The following ADHFE1 variants were observed in gnomAD, a reference collection of about 807,000 sequenced individuals.
The protein encoded by ADHFE1 is hydroxyacid-oxoacid transhydrogenase, mitochondrial.
ADHFE1 carries 37 observed loss-of-function variants against 54.8 expected under a neutral mutation model. That is an observed-to-expected ratio of 0.68 (90% CI 0.52 to 0.89). The LOEUF (loss-of-function observed/expected upper bound fraction) is 0.89, where lower values mean the gene tolerates loss of function less well. Ranked by LOEUF, ADHFE1 falls within the 40% of genes least tolerant of loss-of-function variation. ADHFE1 has a pLI of 0.00. For synonymous variants in ADHFE1, 203 were observed against 229.3 expected (o/e 0.89, Z 1.04); for missense variants, 601 against 591.2 (o/e 1.02, Z -0.17).
In ADHFE1 at chr8:66,454,169, T is replaced by C; in HGVS notation, c.986+12T>C. ...GGTGTTCATCTGTGGTGAGCAAGTC[T>C]GAGATTTCATTTCTTTACTCAAGCT... is the stretch of plus-strand genomic sequence containing the variant. On this transcript the variant is annotated intron_variant, in intron 10 of 13. Coordinates refer to ENST00000396623, the MANE Select transcript of ADHFE1 (RefSeq NM_144650.3). 2 of 1,612,698 alleles carry C rather than the reference T, an allele frequency of 1.2e-6. No homozygotes were observed. The highest frequency in any genetic ancestry group is 1.7e-6 in the Non-Finnish European group (2 of 1,179,418).
intron 12 of ADHFE1, among the ~76,000 whole-genome samples, chr8:66,457,479 CAAAA>C (rs34484813): frequency 7.7e-6 from 1 of 130,290 alleles, no homozygotes; most frequent in African/African-American, 2.8e-5. Flanking sequence ...CTCTCTCTCT[CAAAA>C]AAAAAAAAAA....
chr8:66,432,523 G>A lies in ADHFE1; in HGVS notation c.7G>A (p.Ala3Thr). The change falls in exon 1 of 14, where the codon GCT becomes ACT. Residue 3 changes from alanine (A) to threonine (T), a missense_variant. Ala to Thr is a moderately conservative substitution (Grantham distance 58, BLOSUM62 0). Coordinates refer to ENST00000396623, the MANE Select transcript of ADHFE1 (RefSeq NM_144650.3). Reference protein sequence around the residue: MAAAARARVAYLL... With the variant: MATAARARVAYLL... Reference sequence around the variant, plus strand: ...GAAGAGGACTCCAAGCGCCATGGCCGCTGCCGCCCGAGCCCGGGTCGCGTA... The same window carrying A: ...GAAGAGGACTCCAAGCGCCATGGCCACTGCCGCCCGAGCCCGGGTCGCGTA... The A allele has an allele frequency of 2.2e-6, 3 of 1,368,640 alleles. No individual in the cohort carries two copies. The highest frequency in any genetic ancestry group is 1.9e-6 in the Non-Finnish European group (2 of 1,050,790). 84.8% of individuals were successfully genotyped at this position (1,368,640 alleles called of 1,614,324 possible).
chr8:66,445,634 G>A (rs997910610), intron 6 of ADHFE1, among the ~76,000 whole-genome samples: 3 of 152,214 alleles, frequency 2.0e-5, no homozygotes, highest in Non-Finnish European at 4.4e-5. Context: ...AAAGTTTGCA[G>A]ATTTAAGCTA....
At chr8:66,450,441 G>C (rs1254585333) in intron 8 of ADHFE1, among the ~76,000 whole-genome samples, 1 of 152,182 alleles carries the variant, frequency 6.6e-6, no homozygotes, top group Non-Finnish European at 1.5e-5. Context: ...TGCCCATAAG[G>C]CCCAGTGGCC....
chr8:66,436,162 A>G (rs2719009), intron 1 of ADHFE1, among the ~76,000 whole-genome samples: 98,428 of 151,948 alleles, frequency 0.65, 33,655 homozygotes, highest in African/African-American at 0.87. Context: ...GTGATCCACC[A>G]GCCTCAGCCT....
At position 66,439,672 on chromosome 8, in the gene ADHFE1, G is replaced by T; in HGVS notation, c.60-490G>T. 1.0e-6 allele frequency: 1 copy of T among 986,132 alleles called. No homozygotes were observed. Among genetic ancestry groups the T allele is most frequent in the Non-Finnish European group, 1.2e-6 (1 of 830,484 alleles). 61.1% of individuals were successfully genotyped at this position (986,132 alleles called of 1,614,324 possible). A position where few individuals can be genotyped will look rare whatever the true frequency, so the allele number is the denominator to read the frequency against. ...TTGGGTCCAGGAAGTTCTCCTGGAG[G>T]CTCAGGTCTAGAGCCTGCCTGAAGA... On this transcript the variant is annotated intron_variant, in intron 1 of 13. Coordinates refer to ENST00000396623, the MANE Select transcript of ADHFE1 (RefSeq NM_144650.3). This position sits in a 1 kb window ranked among gnomAD's most constrained non-coding sequence, Gnocchi z 4.4.
chr8:66,466,236 ATTT>A (rs575459850), intron 13 of ADHFE1, among the ~76,000 whole-genome samples: 1,831 of 119,630 alleles, frequency 0.015, 15 homozygotes, highest in Middle Eastern at 0.05. Context: ...ACCCAGCTGA[ATTT>A]TTTTTTTTTT....
At chr8:66,468,247 C>G (rs770385555) in intron 13 of ADHFE1, 22 bp from the exon 14 acceptor site, 1 of 1,595,126 alleles carries the variant, frequency 6.3e-7, no homozygotes, top group East Asian at 2.2e-5. Flanking sequence ...CCCTGGGTAA[C>G]TTCTTTCATT....
chr8:66,466,723 T>C (rs1807210983), intron 13 of ADHFE1, among the ~76,000 whole-genome samples: 1 of 152,216 alleles, frequency 6.6e-6, no homozygotes, highest in East Asian at 1.9e-4. Context: ...AAGGAAAACC[T>C]GCATAAGGAG....
At chr8:66,434,460 G>A (rs1204086360) in intron 1 of ADHFE1, among the ~76,000 whole-genome samples, 1 of 152,214 alleles carries the variant, frequency 6.6e-6, no homozygotes, top group East Asian at 1.9e-4. Context: ...TTCCTGGGGA[G>A]CAGCACTGCC....
Position 66,445,436 on chromosome 8 carries a change from G to C in ADHFE1, c.550+22G>C, listed in dbSNP as rs747463821. 13 of 1,577,980 alleles carry C rather than the reference G, an allele frequency of 8.2e-6. No homozygotes were observed. The Admixed American group carries it at 9.5e-5, about 12-fold the overall frequency. On this transcript the variant is annotated intron_variant, in intron 6 of 13. Transcript: ENST00000396623. ...GCAGGTAAAGACTGTTTATTTCTTT[G>C]TTTGTTTTATTTTGCAATGAGCAAT... is the stretch of plus-strand genomic sequence containing the variant.
At position 66,448,865 on chromosome 8, in the gene ADHFE1, G is replaced by A; in HGVS notation, c.629G>A (p.Gly210Asp). ...TCTACTGAAAATCCTTATGTTTTAG[G>A]CATCACTTCGAGAGCCATCAAACCC... Reference protein sequence around the residue: ...FDYEHLKVKIGITSRAIKPTL... With the variant: ...FDYEHLKVKIDITSRAIKPTL... Residue 210 changes from glycine to aspartate, a missense_variant and splice_region_variant, in exon 8 of 14, where the codon GGC becomes GAC. Gly to Asp is a moderately conservative substitution (Grantham distance 94, BLOSUM62 -1). Coordinates refer to ENST00000396623, the MANE Select transcript of ADHFE1 (RefSeq NM_144650.3). 5 of 1,613,294 alleles carry A rather than the reference G, an allele frequency of 3.1e-6. No individual in the cohort carries two copies. The highest frequency in any genetic ancestry group is 4.2e-6 in the Non-Finnish European group (5 of 1,179,634).
At chr8:66,446,258 C>T (rs1476066927) in intron 6 of ADHFE1, among the ~76,000 whole-genome samples, 1 of 152,206 alleles carries the variant, frequency 6.6e-6, no homozygotes, top group East Asian at 1.9e-4. Flanking sequence ...GTGTCAGCAT[C>T]ACACAGAGGG....
rs746439320 is a variant in ADHFE1, at chr8:66,468,372, A to G, written c.*20A>G. On this transcript the variant is annotated 3_prime_UTR_variant, in exon 14 of 14. Transcript: ENST00000396623. ...TATTAATTGTCATTTTAACTGAAAGAATTACCGCTGGCCATTGTAGTGCTG... is the reference window on the plus strand; with the variant it reads ...TATTAATTGTCATTTTAACTGAAAGGATTACCGCTGGCCATTGTAGTGCTG... 33 of 1,601,040 alleles carry G rather than the reference A, an allele frequency of 2.1e-5. No individual in the cohort carries two copies. Among genetic ancestry groups the G allele is most frequent in the South Asian group, 5.6e-5 (5 of 89,874 alleles).
intron 2 of ADHFE1, among the ~76,000 whole-genome samples, 187 bp from the exon 3 acceptor site, chr8:66,442,611 G>T (rs533413781): frequency 1.3e-5 from 2 of 152,032 alleles, no homozygotes; most frequent in Non-Finnish European, 2.9e-5. Context: ...GTGCTTGGCC[G>T]CATTACATTC....
chr8:66,456,363 G>A lies in ADHFE1; in HGVS notation c.987-454G>A, dbSNP rs538089232. Among the ~76,000 whole-genome samples the A allele has an allele frequency of 1.2e-4, 19 of 152,264 alleles. 1 individual carries two copies. The South Asian group carries it at 3.7e-3, about 30-fold the overall frequency. On this transcript the variant is annotated intron_variant, in intron 10 of 13. Coordinates refer to ENST00000396623, the MANE Select transcript of ADHFE1 (RefSeq NM_144650.3). ...GTTACTGGTGGGACAGATCACTGAT[G>A]GGTCAAGCTTGCACGTCATCAAATA...
At chr8:66,445,144 A>G in intron 5 of ADHFE1, 74 bp from the exon 6 acceptor site, 1 of 1,400,130 alleles carries the variant, frequency 7.1e-7, no homozygotes, top group Non-Finnish European at 9.6e-7. Context: ...AACTTACCCC[A>G]AGCCTTAGTT....
chr8:66,461,099 T>C (rs1370148685), intron 13 of ADHFE1, among the ~76,000 whole-genome samples: 2 of 152,256 alleles, frequency 1.3e-5, no homozygotes, highest in Non-Finnish European at 2.9e-5. Context: ...TGAAGAACTC[T>C]GATCCCTCAG....
intron 7 of ADHFE1, among the ~76,000 whole-genome samples, chr8:66,447,566 C>T (rs1171604813): frequency 2.6e-5 from 4 of 152,168 alleles, no homozygotes; most frequent in African/African-American, 9.7e-5. Flanking sequence ...GATGGATACC[C>T]CACAGAGCCT....
Sources: allele counts gnomAD v4.1 joint callset (sites outside exome capture counted in the v4.1 genomes callset), GRCh38; gene constraint gnomAD v4.1.1; non-coding constraint Gnocchi (gnomAD v3.1); transcripts MANE v1.5; gene names NCBI Gene and HGNC (gene_info 2026-07-23, HGNC 2026-07-21).